The following CSMD1 variants were observed in gnomAD, a reference collection of about 807,000 sequenced individuals.
The protein encoded by CSMD1 is CUB and Sushi multiple domains 1.
A neutral mutation model predicts 417.5 loss-of-function variants in CSMD1; 213 were observed. The ratio of observed to expected loss-of-function variants is 0.51; its 90% confidence interval spans 0.46 to 0.57. The LOEUF (loss-of-function observed/expected upper bound fraction) is 0.57, where lower values mean the gene tolerates loss of function less well. CSMD1 is among the 20% of genes least tolerant of loss of function. The pLI is 0.00. For synonymous variants in CSMD1, 2,862 were observed against 1,736.8 expected (o/e 1.65, Z -16.11); for missense variants, 6,923 against 4,529.7 (o/e 1.53, Z -15.17).
chr8:4,494,136 C>A (rs539957600), intron 2 of CSMD1, among the ~76,000 whole-genome samples: 4 of 152,138 alleles, frequency 2.6e-5, no homozygotes, highest in Non-Finnish European at 4.4e-5. Flanking sequence ...GTAGAGAAAA[C>A]TGGGGTAAGA....
chr8:4,139,430 C>T (rs1049347302), intron 3 of CSMD1, among the ~76,000 whole-genome samples: 8 of 144,454 alleles, frequency 5.5e-5, no homozygotes, highest in South Asian at 4.1e-4. Context: ...AGGTAAAGAA[C>T]GAAGGAAGAC....
At chr8:3,951,887 C>G (rs1432598268) in intron 5 of CSMD1, among the ~76,000 whole-genome samples, 2 of 151,416 alleles carry the variant, frequency 1.3e-5, no homozygotes, top group East Asian at 1.9e-4. Context: ...ATAAGCTATC[C>G]TGGAGGAAAA....
At chr8:3,148,694 T>A (rs984917475) in intron 40 of CSMD1, among the ~76,000 whole-genome samples, 6 of 152,294 alleles carry the variant, frequency 3.9e-5, no homozygotes, top group Admixed American at 1.3e-4. Flanking sequence ...TTTTCTCAGA[T>A]TCTGCAAATT....
At chr8:4,840,749 C>T (rs879250078) in intron 1 of CSMD1, among the ~76,000 whole-genome samples, 1 of 152,086 alleles carries the variant, frequency 6.6e-6, no homozygotes, top group Non-Finnish European at 1.5e-5. Context: ...TTCTCTTTGC[C>T]CACTAATAGA....
intron 5 of CSMD1, among the ~76,000 whole-genome samples, chr8:3,851,200 C>T (rs1803883296): frequency 6.6e-6 from 1 of 152,188 alleles, no homozygotes; most frequent in African/African-American, 2.4e-5. Flanking sequence ...TGAGCCTGCT[C>T]ATTATGCTAG....
intron 3 of CSMD1, among the ~76,000 whole-genome samples, chr8:4,117,549 G>T (rs1027524576): frequency 2.0e-5 from 3 of 152,168 alleles, no homozygotes; most frequent in East Asian, 1.9e-4. Flanking sequence ...CTCACTGATT[G>T]TGACAGCTAA....
At chr8:4,957,253 A>G (rs1278861973) in intron 1 of CSMD1, among the ~76,000 whole-genome samples, 3 of 152,192 alleles carry the variant, frequency 2.0e-5, no homozygotes, top group African/African-American at 7.2e-5. Context: ...GCCTTCAGGA[A>G]TCCTGGAGTC....
intron 6 of CSMD1, among the ~76,000 whole-genome samples, chr8:3,712,755 G>T (rs1801599668): frequency 6.6e-6 from 1 of 152,136 alleles, no homozygotes; most frequent in South Asian, 2.1e-4. Flanking sequence ...GCCAAAGTTA[G>T]TCTCACATTC....
intron 10 of CSMD1, among the ~76,000 whole-genome samples, chr8:3,497,719 C>T (rs1014391471): frequency 1.3e-5 from 2 of 152,144 alleles, no homozygotes; most frequent in African/African-American, 4.8e-5. Context: ...AGGCAGTATG[C>T]ACTTAGATAT....
At chr8:3,130,208 G>A (rs535856166) in intron 41 of CSMD1, among the ~76,000 whole-genome samples, 3 of 152,208 alleles carry the variant, frequency 2.0e-5, no homozygotes, top group Admixed American at 6.5e-5. Flanking sequence ...TGATGATCAC[G>A]GAGGAAGTGT....
chr8:3,953,806 G>T (rs1426106187), intron 5 of CSMD1, among the ~76,000 whole-genome samples: 1 of 152,090 alleles, frequency 6.6e-6, no homozygotes, highest in East Asian at 1.9e-4. Context: ...GAGCTATACA[G>T]CCATGAGAGG....
intron 5 of CSMD1, among the ~76,000 whole-genome samples, chr8:3,967,698 A>C (rs1267605312): frequency 6.6e-6 from 1 of 152,142 alleles, no homozygotes; most frequent in African/African-American, 2.4e-5. Flanking sequence ...CTTCAAAGGG[A>C]AAATAAGGGA....
intron 3 of CSMD1, among the ~76,000 whole-genome samples, chr8:4,269,318 C>T (rs570268649): frequency 6.6e-6 from 1 of 152,144 alleles, no homozygotes. Flanking sequence ...CCCGCACTGG[C>T]CTCCCCCAAA....
intron 3 of CSMD1, among the ~76,000 whole-genome samples, chr8:4,079,181 C>A (rs999970130): frequency 6.6e-6 from 1 of 151,820 alleles, no homozygotes; most frequent in East Asian, 1.9e-4. Flanking sequence ...TGAATATAAG[C>A]TAATGTTTTA....
In CSMD1 at chr8:3,838,699, TA is replaced by T. The variant is rs1563132012; in HGVS notation, c.819-84658del. Among the ~76,000 whole-genome samples the T allele has an allele frequency of 2.0e-5, 2 of 97,678 alleles. 1 individual carries two copies. Among genetic ancestry groups the T allele is most frequent in the African/African-American group, 9.8e-5 (2 of 20,408 alleles). 64.1% of individuals were successfully genotyped at this position (97,678 alleles called of 152,430 possible). On this transcript the variant is annotated intron_variant, in intron 5 of 69. Coordinates refer to ENST00000635120, the MANE Select transcript of CSMD1 (RefSeq NM_033225.6). ...ATTATATAGTATAATATATAATAAA[TA>T]TTATATAGTATAATATATAATAAAT... is the stretch of plus-strand genomic sequence containing the variant.
intron 3 of CSMD1, among the ~76,000 whole-genome samples, chr8:4,154,014 T>G (rs916812092): frequency 6.6e-6 from 1 of 152,200 alleles, no homozygotes. Flanking sequence ...CATCCTCATT[T>G]TGCACCGTAT....
At chr8:4,190,010 G>A (rs986413406) in intron 3 of CSMD1, among the ~76,000 whole-genome samples, 5 of 151,836 alleles carry the variant, frequency 3.3e-5, no homozygotes, top group African/African-American at 9.7e-5. Flanking sequence ...TGAAATCCCA[G>A]CACTTTGGGA....
chr8:3,208,760 G>A lies in CSMD1; in HGVS notation c.4868-3140C>T, dbSNP rs575693127. Among the ~76,000 whole-genome samples, 10 of 152,144 alleles carry A rather than the reference G, an allele frequency of 6.6e-5. No homozygotes were observed. In the South Asian group the frequency reaches 8.3e-4, roughly 13 times the overall value. ...TGCAGCATGGCTAGAATATAAGCAG[G>A]CAGAAAAATGTGAAATGAGAGACTG... On this transcript the variant is annotated intron_variant, in intron 30 of 69. Transcript: ENST00000635120.
chr8:4,068,678 C>G (rs2130769681), intron 3 of CSMD1, among the ~76,000 whole-genome samples: 1 of 152,114 alleles, frequency 6.6e-6, no homozygotes, highest in Admixed American at 6.5e-5. Context: ...AAAGATAAAA[C>G]TATTATTCTC....
Sources: gnomAD v4.1 joint callset for allele counts (sites outside exome capture counted in the v4.1 genomes callset) on GRCh38, gnomAD v4.1.1 for gene constraint, MANE v1.5 for transcripts, NCBI Gene and HGNC (gene_info 2026-07-23, HGNC 2026-07-21) for gene names.